The following DLG2 variants were observed in gnomAD, a reference collection of about 807,000 sequenced individuals.
DLG2 encodes the protein discs large MAGUK scaffold protein 2, also known as disks large homolog 2.
Under a neutral mutation model 132.5 loss-of-function variants are expected in DLG2, and 45 were observed. The ratio of observed to expected loss-of-function variants is 0.34; its 90% CI spans 0.27 to 0.44. DLG2 has a LOEUF of 0.44. Among genes scored for constraint, DLG2 ranks in the 20% least tolerant of loss-of-function variants. The pLI is 1.00. For synonymous variants in DLG2, 424 were observed against 419.6 expected, an observed-to-expected ratio of 1.01 and a Z score of -0.13; for missense variants, 1,045 against 1,196.9, an observed-to-expected ratio of 0.87 and a Z score of 1.87.
At chr11:83,728,845 A>G (rs972145872) in intron 18 of DLG2, among the ~76,000 whole-genome samples, 1 of 152,224 alleles carries the variant, frequency 6.6e-6, no homozygotes, top group Non-Finnish European at 1.5e-5. Context: ...CTGAACAGGG[A>G]TTTAACAGCA....
intron 4 of DLG2, among the ~76,000 whole-genome samples, chr11:85,284,147 C>CA (rs560416455): frequency 3.6e-4 from 54 of 151,744 alleles, no homozygotes; most frequent in African/African-American, 1.2e-3. Context: ...TATATTTGTA[C>CA]AAAAAAGGAC....
intron 6 of DLG2, among the ~76,000 whole-genome samples, chr11:84,807,469 CA>C (rs1055099516): frequency 6.6e-6 from 1 of 151,572 alleles, no homozygotes; most frequent in Non-Finnish European, 1.5e-5. Context: ...AACAAAAAAG[CA>C]AAAAAAGAAT....
In DLG2 at chr11:84,072,374, A is replaced by C. The variant is rs550390878; in HGVS notation, c.750-12890T>G. On this transcript the variant is annotated intron_variant, in intron 10 of 27. Coordinates refer to ENST00000376104, the MANE Select transcript of DLG2 (RefSeq NM_001142699.3). ...TGTCTGTTAAGTACCTTTAAAGACA[A>C]ATGCATATCCTGAAGTAGCTTCACA... Among the ~76,000 whole-genome samples, 11 of 152,378 alleles carry C rather than the reference A, an allele frequency of 7.2e-5. No homozygotes were observed. In the South Asian group the frequency reaches 2.3e-3, roughly 32 times the overall value.
intron 7 of DLG2, among the ~76,000 whole-genome samples, chr11:84,357,404 C>T (rs1302176897): frequency 1.3e-5 from 2 of 152,032 alleles, no homozygotes; most frequent in African/African-American, 4.8e-5. Context: ...CTTCAGGAAC[C>T]TCGCTGACCA....
At chr11:85,378,284 G>A (rs1250591756) in intron 3 of DLG2, among the ~76,000 whole-genome samples, 5 of 151,964 alleles carry the variant, frequency 3.3e-5, no homozygotes. Context: ...AATTTTTTGT[G>A]ATTATTCATG....
intron 6 of DLG2, among the ~76,000 whole-genome samples, chr11:85,079,235 G>T (rs892695503): frequency 1.3e-5 from 2 of 152,062 alleles, no homozygotes; most frequent in African/African-American, 4.8e-5. Context: ...AAGGGATTGT[G>T]GAGAACAAGG....
chr11:84,737,353 A>G (rs1157620531), intron 6 of DLG2, among the ~76,000 whole-genome samples: 1 of 152,050 alleles, frequency 6.6e-6, no homozygotes, highest in Non-Finnish European at 1.5e-5. Context: ...AAGGCAATAT[A>G]GGCCTCATGT....
chr11:84,090,248 T>C (rs1435822824), intron 10 of DLG2, among the ~76,000 whole-genome samples: 2 of 151,928 alleles, frequency 1.3e-5, no homozygotes, highest in African/African-American at 2.4e-5. Context: ...ACCCCGTCTC[T>C]ACTAAAAATG....
chr11:84,603,093 T>C (rs185928698), intron 6 of DLG2, among the ~76,000 whole-genome samples: 53 of 152,112 alleles, frequency 3.5e-4, no homozygotes, highest in African/African-American at 1.1e-3. Flanking sequence ...GTAACATCAA[T>C]CGAGCATCTT....
chr11:85,028,692 A>G (rs981298908), intron 6 of DLG2, among the ~76,000 whole-genome samples: 1 of 152,114 alleles, frequency 6.6e-6, no homozygotes, highest in Non-Finnish European at 1.5e-5. Context: ...GGGAACAGGG[A>G]GAGGCCAGAC....
chr11:85,517,885 G>A (rs2094200206), intron 3 of DLG2, among the ~76,000 whole-genome samples: 1 of 152,166 alleles, frequency 6.6e-6, no homozygotes, highest in Non-Finnish European at 1.5e-5. Flanking sequence ...TCTCATGATA[G>A]TGAAGTAAGT....
chr11:85,606,270 G>A (rs928230481), intron 2 of DLG2, among the ~76,000 whole-genome samples: 7 of 152,036 alleles, frequency 4.6e-5, no homozygotes, highest in African/African-American at 9.7e-5. Context: ...TTAGACATTA[G>A]GACTAGAAAA....
At chr11:85,159,860 T>C (rs2077890265) in intron 4 of DLG2, among the ~76,000 whole-genome samples, 1 of 152,226 alleles carries the variant, frequency 6.6e-6, no homozygotes, top group South Asian at 2.1e-4. Context: ...GAGAACTTGA[T>C]AGCTTTTTGC....
intron 7 of DLG2, among the ~76,000 whole-genome samples, chr11:84,323,606 G>A (rs2098416212): frequency 6.6e-6 from 1 of 151,686 alleles, no homozygotes; most frequent in Admixed American, 6.6e-5. Flanking sequence ...CATTTTTTGG[G>A]AACCTGCATA....
intron 7 of DLG2, among the ~76,000 whole-genome samples, chr11:84,350,972 G>A (rs993179716): frequency 2.0e-5 from 3 of 152,050 alleles, no homozygotes. Context: ...GCTTTTTAGA[G>A]AGTCATGGTT....
chr11:84,507,704 G>T (rs1238969662), intron 7 of DLG2, among the ~76,000 whole-genome samples: 1 of 152,172 alleles, frequency 6.6e-6, no homozygotes, highest in Non-Finnish European at 1.5e-5. Flanking sequence ...TTTATTCAAA[G>T]TTTTTTCTAT....
intron 3 of DLG2, among the ~76,000 whole-genome samples, chr11:85,481,596 C>A (rs1227275501): frequency 6.6e-6 from 1 of 152,088 alleles, no homozygotes; most frequent in East Asian, 1.9e-4. Context: ...AAGCCTAGCA[C>A]CAGGAAGACC....
intron 18 of DLG2, among the ~76,000 whole-genome samples, chr11:83,730,655 G>A (rs1221488559): frequency 6.6e-6 from 1 of 152,164 alleles, no homozygotes; most frequent in African/African-American, 2.4e-5. Flanking sequence ...GCTTTACTAA[G>A]TAGCCTTTAT....
At chr11:83,968,090 T>C (rs1447238937) in intron 12 of DLG2, among the ~76,000 whole-genome samples, 1 of 152,234 alleles carries the variant, frequency 6.6e-6, no homozygotes, top group Non-Finnish European at 1.5e-5. Context: ...TTTCCACTGG[T>C]ATAATGTAAA....
Sources: allele counts gnomAD v4.1 joint callset (sites outside exome capture counted in the v4.1 genomes callset), GRCh38; gene constraint gnomAD v4.1.1; transcripts MANE v1.5; gene names NCBI Gene and HGNC (gene_info 2026-07-23, HGNC 2026-07-21).